The following ACAP2 variants were observed in gnomAD, a reference collection of about 807,000 sequenced individuals.
The protein encoded by ACAP2 is ArfGAP with coiled-coil, ankyrin repeat and PH domains 2.
ACAP2 carries 39 observed loss-of-function variants against 115.8 expected under a neutral mutation model. The ratio of observed to expected loss-of-function variants is 0.34; its 90% CI spans 0.26 to 0.44. The LOEUF is 0.44. Among genes scored for constraint, ACAP2 ranks in the 20% least tolerant of loss-of-function variants. The pLI, the probability that ACAP2 is intolerant of heterozygous loss-of-function variation, is 1.00. For missense variants in ACAP2, 662 were observed against 927.6 expected, an observed-to-expected ratio of 0.71 and a Z score of 3.72; for synonymous variants, 289 against 315.8, an observed-to-expected ratio of 0.92 and a Z score of 0.90.
intron 8 of ACAP2, among the ~76,000 whole-genome samples, chr3:195,332,661 G>A (rs1221428254): frequency 2.0e-5 from 3 of 152,160 alleles, no homozygotes; most frequent in Non-Finnish European, 4.4e-5. Flanking sequence ...CAAGGTGGAG[G>A]GAACTGAGTC....
At chr3:195,304,968 T>C (rs1334061741) in intron 13 of ACAP2, among the ~76,000 whole-genome samples, 1 of 152,210 alleles carries the variant, frequency 6.6e-6, no homozygotes, top group East Asian at 1.9e-4. Flanking sequence ...CTTGTGAAAG[T>C]ACTGATGCCC....
chr3:195,381,021 T>C lies in ACAP2; in HGVS notation c.273A>G (p.Ile91Met). 1 of 1,598,840 alleles carries C rather than the reference T, an allele frequency of 6.3e-7. No homozygotes were observed. The highest frequency in any genetic ancestry group is 8.5e-7 in the Non-Finnish European group (1 of 1,176,708). The change falls in exon 4 of 23, where the codon ATA becomes ATG. Residue 91 changes from isoleucine (I) to methionine (M), a missense_variant. Around this residue, in one of 3 missense-constraint regions of ACAP2, gnomAD observed 401 missense variants for 604.4 expected, o/e 0.66. Transcript: ENST00000326793. ...TKFSDSLQEM[I>M]NFHTILFDQT... ...TACTGACACTTACTGTGTGAAAATTTATCATTTCTTGAAGACTGTCAGAAA... is the reference window on the plus strand; with the variant it reads ...TACTGACACTTACTGTGTGAAAATTCATCATTTCTTGAAGACTGTCAGAAA...
chr3:195,344,578 T>C (rs113618432), intron 5 of ACAP2, among the ~76,000 whole-genome samples: 5 of 152,238 alleles, frequency 3.3e-5, no homozygotes, highest in African/African-American at 1.2e-4. Context: ...TGGAGTGCGA[T>C]GGCGCGATCT....
intron 1 of ACAP2, among the ~76,000 whole-genome samples, chr3:195,419,756 C>G (rs1001538000): frequency 6.6e-6 from 1 of 152,122 alleles, no homozygotes; most frequent in African/African-American, 2.4e-5. Flanking sequence ...ACCCAAACAG[C>G]CAGTTGTCTC....
chr3:195,296,211 A>T (rs1727647546), intron 16 of ACAP2, among the ~76,000 whole-genome samples: 2 of 152,006 alleles, frequency 1.3e-5, no homozygotes, highest in Non-Finnish European at 2.9e-5. Flanking sequence ...AGTAGAAAAC[A>T]TCACCAGAAA....
chr3:195,351,117 C>CTT lies in ACAP2; in HGVS notation c.286-5802_286-5801dup, dbSNP rs1160492256. On this transcript the variant is annotated intron_variant, in intron 4 of 22. Coordinates refer to ENST00000326793, the MANE Select transcript of ACAP2 (RefSeq NM_012287.6). ...AACTCAGTAAATATGAAGATAAATC[C>CTT]TTTTTTTTTTTTGGGCGGGGGACAG... 4.7e-5 allele frequency among the ~76,000 whole-genome samples: 5 copies of CTT among 107,354 alleles called. 1 individual carries two copies. Among genetic ancestry groups the CTT allele is most frequent in the African/African-American group, 1.6e-4 (5 of 31,064 alleles). The allele number at this position is 107,354 out of a possible 152,430, so 70.4% of individuals were successfully genotyped here. A position where few individuals can be genotyped will look rare whatever the true frequency, so the allele number is the denominator to read the frequency against.
intron 4 of ACAP2, among the ~76,000 whole-genome samples, chr3:195,365,864 A>G (rs1235570479): frequency 1.4e-5 from 2 of 144,512 alleles, no homozygotes; most frequent in Non-Finnish European, 3.0e-5. Flanking sequence ...TTTTTGAGAC[A>G]GTGTCTTCCT....
chr3:195,339,972 T>C (rs1415092846), intron 6 of ACAP2, among the ~76,000 whole-genome samples: 3 of 150,930 alleles, frequency 2.0e-5, no homozygotes, highest in Non-Finnish European at 4.4e-5. Flanking sequence ...CTAACTGCAA[T>C]GTGTACAAAA....
chr3:195,436,201 A>T (rs1223978989), intron 1 of ACAP2, among the ~76,000 whole-genome samples: 1 of 150,850 alleles, frequency 6.6e-6, no homozygotes, highest in Admixed American at 6.6e-5. Flanking sequence ...ATCTCAGCTC[A>T]CTGCAACCTC....
intron 8 of ACAP2, 105 bp from the exon 9 acceptor site, chr3:195,327,064 T>G: frequency 9.6e-7 from 1 of 1,045,882 alleles, no homozygotes; most frequent in Non-Finnish European, 1.4e-6. Flanking sequence ...ATCACTCAAT[T>G]TAAGCTGATT....
rs2108938479 is a variant in ACAP2, at chr3:195,294,897, T to C, written c.1673-86A>G. Reference sequence around the variant, plus strand: ...ACAAACAAGGTTTTAAAATGAGCTCTTACACATCAACATGAACTCAGGCAC... The same window carrying C: ...ACAAACAAGGTTTTAAAATGAGCTCCTACACATCAACATGAACTCAGGCAC... On this transcript the variant is annotated intron_variant, in intron 17 of 22. Transcript: ENST00000326793. The C allele has an allele frequency of 6.3e-6, 5 of 793,126 alleles. No individual in the cohort carries two copies. The East Asian group carries it at 1.5e-4, about 24-fold the overall frequency. 49.1% of individuals were successfully genotyped at this position (793,126 alleles called of 1,614,324 possible).
chr3:195,302,267 A>G, intron 13 of ACAP2, 93 bp from the exon 14 acceptor site: 1 of 1,198,038 alleles, frequency 8.3e-7, no homozygotes, highest in Non-Finnish European at 1.2e-6. Flanking sequence ...CTTCCAATCA[A>G]TAAATTAAAG....
intron 9 of ACAP2, among the ~76,000 whole-genome samples, chr3:195,321,960 T>C (rs888576479): frequency 2.0e-5 from 3 of 152,142 alleles, no homozygotes; most frequent in African/African-American, 4.8e-5. Context: ...TTTCCTAAAA[T>C]AAAATTTAGT....
At chr3:195,311,883 T>C (rs1728796185) in intron 10 of ACAP2, among the ~76,000 whole-genome samples, 1 of 152,070 alleles carries the variant, frequency 6.6e-6, no homozygotes, top group Non-Finnish European at 1.5e-5. Context: ...TTAAGAAAAA[T>C]AAGGTATCAC....
chr3:195,370,541 A>T (rs907705776), intron 4 of ACAP2, among the ~76,000 whole-genome samples: 1 of 152,088 alleles, frequency 6.6e-6, no homozygotes, highest in Non-Finnish European at 1.5e-5. Flanking sequence ...TTTGTTGAAG[A>T]TCAGATGGTT....
intron 6 of ACAP2, among the ~76,000 whole-genome samples, chr3:195,338,668 ATAAAT>A (rs1730671932): frequency 6.6e-6 from 1 of 152,232 alleles, no homozygotes; most frequent in Admixed American, 6.5e-5. Context: ...TGAAAGATCA[ATAAAT>A]TAAAAGATTT....
chr3:195,325,338 A>T, intron 9 of ACAP2: 1 of 419,352 alleles, frequency 2.4e-6, no homozygotes, highest in Non-Finnish European at 4.6e-6. Flanking sequence ...CTGTTTCTCC[A>T]ATTGATCAAT....
chr3:195,295,309 A>G, intron 17 of ACAP2: 1 of 1,291,028 alleles, frequency 7.7e-7, no homozygotes, highest in Non-Finnish European at 1.0e-6. Context: ...CACTGGGGAC[A>G]TGCAAGTTAG....
intron 9 of ACAP2, among the ~76,000 whole-genome samples, chr3:195,323,121 C>G (rs946959989): frequency 6.6e-6 from 1 of 152,048 alleles, no homozygotes; most frequent in African/African-American, 2.4e-5. Context: ...AATGCAAAAC[C>G]AAGGCTGGTC....
Sources: gnomAD v4.1 joint callset for allele counts (sites outside exome capture counted in the v4.1 genomes callset) on GRCh38, gnomAD v4.1.1 for gene constraint, gnomAD v4.1.1 regional missense constraint, MANE v1.5 for transcripts, NCBI Gene and HGNC (gene_info 2026-07-23, HGNC 2026-07-21) for gene names.